The following KIAA1217 variants were observed in gnomAD, a reference collection of about 807,000 sequenced individuals.
The protein encoded by KIAA1217 is sickle tail protein homolog.
In KIAA1217, 88 loss-of-function variants were observed where a neutral mutation model predicts 163.9. The ratio of observed to expected loss-of-function variants is 0.54; its 90% CI spans 0.45 to 0.64. KIAA1217 has a LOEUF of 0.64. KIAA1217 is among the 30% of genes least tolerant of loss of function. The probability of loss-of-function intolerance (pLI) is 0.00; values close to 1 mark genes in which losing one functional copy is unlikely to be tolerated. For missense variants in KIAA1217, 2,372 were observed against 2,475.0 expected (o/e 0.96, Z 0.88); for synonymous variants, 903 against 923.1 (o/e 0.98, Z 0.39).
chr10:24,471,157 A>G (rs900347217), intron 5 of KIAA1217, among the ~76,000 whole-genome samples: 1 of 152,172 alleles, frequency 6.6e-6, no homozygotes, highest in African/African-American at 2.4e-5. Context: ...TGCCTCTACT[A>G]TCCCTACTGT....
intron 1 of KIAA1217, among the ~76,000 whole-genome samples, chr10:23,800,108 A>G (rs953889791): frequency 3.3e-5 from 5 of 152,182 alleles, no homozygotes; most frequent in Admixed American, 1.3e-4. Flanking sequence ...CCTGCCTCTC[A>G]TATTTTCACA....
At chr10:23,920,161 T>G (rs187581642) in intron 1 of KIAA1217, among the ~76,000 whole-genome samples, 2 of 152,224 alleles carry the variant, frequency 1.3e-5, no homozygotes, top group Non-Finnish European at 2.9e-5. Flanking sequence ...TTTTTTTGTT[T>G]GTTTGTTTGT....
rs557530274 is a variant in KIAA1217 at position 23,836,939 on chromosome 10, G to A, written c.-321+141705G>A. 3.9e-3 allele frequency among the ~76,000 whole-genome samples: 565 copies of A among 144,772 alleles called. 4 individuals are homozygous for A. The highest frequency in any genetic ancestry group is 0.011 in the Middle Eastern group (3 of 276). The allele number at this position is 144,772 out of a possible 152,430, so 95.0% of individuals were successfully genotyped here. On this transcript the variant is annotated intron_variant, in intron 1 of 18. Transcript: ENST00000376462. ...CCCTGTGGGAAGGAAGGAAGGGAGGGAGGGAGGGAGGGAGGGAATGAATAA... is the reference window on the plus strand; with the variant it reads ...CCCTGTGGGAAGGAAGGAAGGGAGGAAGGGAGGGAGGGAGGGAATGAATAA...
chr10:24,508,087 A>C (rs2068602589), intron 9 of KIAA1217, among the ~76,000 whole-genome samples: 1 of 152,190 alleles, frequency 6.6e-6, no homozygotes, highest in Non-Finnish European at 1.5e-5. Flanking sequence ...GAAAACCACA[A>C]ACCAATATCC....
chr10:24,345,528 A>G (rs1406694002), intron 2 of KIAA1217, among the ~76,000 whole-genome samples: 3 of 152,244 alleles, frequency 2.0e-5, no homozygotes, highest in Non-Finnish European at 4.4e-5. Flanking sequence ...TGAACCTAAG[A>G]TCTTCAGTCC....
chr10:24,011,781 G>A (rs148278983), intron 2 of KIAA1217, among the ~76,000 whole-genome samples: 7 of 152,256 alleles, frequency 4.6e-5, no homozygotes, highest in Non-Finnish European at 1.5e-5. Context: ...GGTTGTTCCC[G>A]TGGGTTGACA....
chr10:24,199,185 T>C (rs759968478), intron 2 of KIAA1217, among the ~76,000 whole-genome samples: 1 of 152,170 alleles, frequency 6.6e-6, no homozygotes, highest in Non-Finnish European at 1.5e-5. Flanking sequence ...TGAGCTGTGA[T>C]TGCACCACTG....
chr10:23,778,180 TCC>T (rs199929672), intron 1 of KIAA1217, among the ~76,000 whole-genome samples: 1 of 151,550 alleles, frequency 6.6e-6, no homozygotes. Flanking sequence ...ACCTCGTGAT[TCC>T]CCCCCCTTCG....
chr10:24,171,039 T>A (rs929170058), intron 2 of KIAA1217, among the ~76,000 whole-genome samples: 5 of 152,218 alleles, frequency 3.3e-5, no homozygotes, highest in African/African-American at 1.2e-4. Context: ...TAAGACTTAC[T>A]AACCCATTGG....
chr10:24,163,038 T>C (rs1564775061), intron 2 of KIAA1217, among the ~76,000 whole-genome samples: 1 of 152,214 alleles, frequency 6.6e-6, no homozygotes, highest in Non-Finnish European at 1.5e-5. Flanking sequence ...TTATATTCTA[T>C]TGGTCATACA....
intron 5 of KIAA1217, among the ~76,000 whole-genome samples, chr10:24,470,299 C>G (rs1417461350): frequency 6.6e-6 from 1 of 152,172 alleles, no homozygotes; most frequent in African/African-American, 2.4e-5. Flanking sequence ...GGTTGCCCAG[C>G]CTCCCTGGAA....
At chr10:24,382,677 A>G (rs2053463443) in intron 3 of KIAA1217, among the ~76,000 whole-genome samples, 1 of 152,022 alleles carries the variant, frequency 6.6e-6, no homozygotes, top group South Asian at 2.1e-4. Flanking sequence ...CCAGGGCTCC[A>G]GTTCCCATTA....
intron 3 of KIAA1217, among the ~76,000 whole-genome samples, chr10:24,384,474 G>A (rs1360115741): frequency 6.6e-5 from 10 of 152,130 alleles, no homozygotes; most frequent in Non-Finnish European, 1.5e-5. Flanking sequence ...ATATCACCCA[G>A]AGTCCATAGT....
intron 5 of KIAA1217, among the ~76,000 whole-genome samples, chr10:24,454,581 A>C (rs895757056): frequency 2.0e-5 from 3 of 152,178 alleles, no homozygotes; most frequent in Non-Finnish European, 2.9e-5. Flanking sequence ...TTAAACTTCC[A>C]TGCATGATTT....
intron 1 of KIAA1217, among the ~76,000 whole-genome samples, chr10:23,809,076 G>A (rs10443963): frequency 0.3 from 45,019 of 151,788 alleles, 7,687 homozygotes; most frequent in African/African-American, 0.47. Flanking sequence ...AAAAGAATAA[G>A]CAATGACAAA....
intron 1 of KIAA1217, among the ~76,000 whole-genome samples, chr10:24,210,452 G>A (rs1182610683): frequency 2.7e-5 from 4 of 148,478 alleles, no homozygotes; most frequent in South Asian, 4.5e-4. Flanking sequence ...AGGCTACCTC[G>A]TCCCCCTGAC....
intron 2 of KIAA1217, 136 bp downstream of exon 2, chr10:24,220,045 T>C (rs896258615): frequency 7.6e-6 from 7 of 919,068 alleles, no homozygotes; most frequent in African/African-American, 5.1e-5. Context: ...CTGGATTTCT[T>C]TGGGGCCTTG....
At chr10:24,153,292 T>C (rs190374580) in intron 2 of KIAA1217, among the ~76,000 whole-genome samples, 14 of 152,326 alleles carry the variant, frequency 9.2e-5, no homozygotes, top group Admixed American at 6.5e-4. Context: ...GTTTATACTT[T>C]TGAGGGTAAG....
intron 2 of KIAA1217, among the ~76,000 whole-genome samples, chr10:24,188,364 T>A (rs1414633839): frequency 6.6e-6 from 1 of 152,200 alleles, no homozygotes; most frequent in Non-Finnish European, 1.5e-5. Flanking sequence ...ATAATACTAA[T>A]GAGCTTTCCA....
Sources: allele counts gnomAD v4.1 joint callset (sites outside exome capture counted in the v4.1 genomes callset), GRCh38; gene constraint gnomAD v4.1.1; transcripts MANE v1.5; gene names NCBI Gene and HGNC (gene_info 2026-07-23, HGNC 2026-07-21).